C21orf58: variants seen among roughly 807,000 people sequenced by gnomAD.
C21orf58 encodes the protein uncharacterized protein C21orf58.
A neutral mutation model predicts 35.8 loss-of-function variants in C21orf58; 34 were observed. The ratio of observed to expected loss-of-function variants is 0.95; its 90% confidence interval spans 0.72 to 1.26. The LOEUF is 1.26. Among genes scored for constraint, C21orf58 ranks in the 50% most tolerant of loss-of-function variants. The probability of loss-of-function intolerance (pLI) is 0.00; values close to 1 mark genes in which losing one functional copy is unlikely to be tolerated. For missense variants in C21orf58, 440 were observed against 414.3 expected, an observed-to-expected ratio of 1.06 and a Z score of -0.54; for synonymous variants, 191 against 175.8, an observed-to-expected ratio of 1.09 and a Z score of -0.68.
At position 46,302,071 on chromosome 21, in the gene C21orf58, ATGGTGG is replaced by A. The variant is rs71318063; in HGVS notation, c.891_896del (p.His298_His299del). The A allele has an allele frequency of 1.7e-5, 26 of 1,506,606 alleles. No homozygotes were observed. The highest frequency in any genetic ancestry group is 4.2e-5 in the African/African-American group (3 of 72,008). 93.3% of individuals were successfully genotyped at this position (1,506,606 alleles called of 1,614,324 possible). ...TGGCAGCCCCAGGTGGCCACACAGCATGGTGGTGGTGGTGGTGGTGGTGCACGGCAG... is the reference window on the plus strand; with the variant it reads ...TGGCAGCCCCAGGTGGCCACACAGCATGGTGGTGGTGGTGGTGCACGGCAG... On this transcript the variant is annotated inframe_deletion, in exon 8 of 8. Coordinates refer to ENST00000291691, the MANE Select transcript of C21orf58 (RefSeq NM_058180.5).
At chr21:46,311,640 C>T (rs2082694828) in intron 5 of C21orf58, 73 bp from the exon 6 acceptor site, 1 of 820,812 alleles carries the variant, frequency 1.2e-6, no homozygotes, top group Admixed American at 2.5e-5. Context: ...ACCACCCATC[C>T]ATCCACCCAC....
chr21:46,313,904 C>T (rs760389890), intron 5 of C21orf58, among the ~76,000 whole-genome samples: 5 of 152,168 alleles, frequency 3.3e-5, no homozygotes, highest in African/African-American at 7.2e-5. Context: ...CCCAGTCACA[C>T]GAATCCCACC....
intron 6 of C21orf58, among the ~76,000 whole-genome samples, chr21:46,304,830 G>A (rs747249812): frequency 6.6e-6 from 1 of 152,220 alleles, no homozygotes; most frequent in African/African-American, 2.4e-5. Flanking sequence ...GTGTACATCA[G>A]TAGATAGATA....
chr21:46,314,577 C>T, intron 5 of C21orf58, 139 bp downstream of exon 5: 2 of 657,174 alleles, frequency 3.0e-6, no homozygotes, highest in Non-Finnish European at 5.0e-6. Context: ...GCAGCTGGCC[C>T]CCTTCAAGGG....
chr21:46,301,877 GT>G lies in C21orf58; in HGVS notation c.*121del. The G allele has an allele frequency of 1.5e-6, 2 of 1,325,530 alleles. No homozygotes were observed. Among genetic ancestry groups the G allele is most frequent in the Non-Finnish European group, 1.9e-6 (2 of 1,040,944 alleles). The allele number at this position is 1,325,530 out of a possible 1,614,324, so 82.1% of individuals were successfully genotyped here. A position where few individuals can be genotyped will look rare whatever the true frequency, so the allele number is the denominator to read the frequency against. On this transcript the variant is annotated 3_prime_UTR_variant, in exon 8 of 8. Transcript: ENST00000291691. ...GGAGGAGCCTGCAGTCCACACTCGCGTAGCCACTCCGGGTGGTGGCAGGGTC... is the reference window on the plus strand; with the variant it reads ...GGAGGAGCCTGCAGTCCACACTCGCGAGCCACTCCGGGTGGTGGCAGGGTC...
Position 46,302,147 on chromosome 21 carries a change from G to T in C21orf58, c.821C>A (p.Pro274Gln). The change falls in exon 8 of 8, where the codon CCA (proline) becomes CAA (glutamine). Residue 274 changes from proline to glutamine, a missense_variant. Transcript: ENST00000291691. ...KALPPALQDP[P>Q]HVPPRVPRAA... ...TCGTGGGACCCTCGGGGGCACATGT[G>T]GCGGGTCCTGCCACAGACGCACCTG... is the stretch of plus-strand genomic sequence containing the variant. 1 of 1,490,888 alleles carries T rather than the reference G, an allele frequency of 6.7e-7. No homozygotes were observed. The highest frequency in any genetic ancestry group is 8.9e-7 in the Non-Finnish European group (1 of 1,119,342). 92.4% of individuals were successfully genotyped at this position (1,490,888 alleles called of 1,614,324 possible). A position where few individuals can be genotyped will look rare whatever the true frequency, so the allele number is the denominator to read the frequency against.
intron 6 of C21orf58, among the ~76,000 whole-genome samples, chr21:46,310,864 CTAT>C (rs1036742262): frequency 1.3e-5 from 2 of 150,480 alleles, no homozygotes; most frequent in African/African-American, 2.4e-5. Flanking sequence ...TATTTAAAAG[CTAT>C]TATTATTATT....
At chr21:46,304,706 TG>T (rs912515764) in intron 6 of C21orf58, among the ~76,000 whole-genome samples, 6 of 152,182 alleles carry the variant, frequency 3.9e-5, no homozygotes, top group Non-Finnish European at 7.3e-5. Flanking sequence ...AGAGACTGTG[TG>T]GCTGTATTTC....
intron 5 of C21orf58, chr21:46,313,068 G>A: frequency 1.0e-6 from 1 of 985,412 alleles, no homozygotes. Context: ...CAGAGACCAA[G>A]AGTTGGCAAA....
At chr21:46,317,875 G>A in intron 2 of C21orf58, 137 bp downstream of exon 2, 1 of 880,934 alleles carries the variant, frequency 1.1e-6, no homozygotes, top group Non-Finnish European at 1.7e-6. Flanking sequence ...GTCTGAGGAT[G>A]GGTCCGCTGG....
At chr21:46,306,217 A>G (rs2082411266) in intron 6 of C21orf58, among the ~76,000 whole-genome samples, 2 of 152,214 alleles carry the variant, frequency 1.3e-5, no homozygotes. Context: ...GCATTTAAAA[A>G]TAAAGGTAGG....
chr21:46,322,604 C>G (rs1411238692), intron 1 of C21orf58, 35 bp downstream of exon 1: 1 of 1,472,184 alleles, frequency 6.8e-7, no homozygotes, highest in Non-Finnish European at 9.1e-7. Context: ...AATTCCGAGT[C>G]TGGGAACCAG....
chr21:46,322,626 A>T lies in C21orf58; in HGVS notation c.100+13T>A. On this transcript the variant is annotated intron_variant, in intron 1 of 7. Transcript: ENST00000291691. ...AGTCTGGGAACCAGGAGACCGCTGGACACCCCGCTCACCACACAGAAGACT... is the reference window on the plus strand; with the variant it reads ...AGTCTGGGAACCAGGAGACCGCTGGTCACCCCGCTCACCACACAGAAGACT... 2 of 1,520,530 alleles carry T rather than the reference A, an allele frequency of 1.3e-6. No individual in the cohort carries two copies. Among genetic ancestry groups the T allele is most frequent in the South Asian group, 2.5e-5 (2 of 78,460 alleles). The allele number at this position is 1,520,530 out of a possible 1,614,324, so 94.2% of individuals were successfully genotyped here.
chr21:46,318,872 G>T, intron 1 of C21orf58: 1 of 985,854 alleles, frequency 1.0e-6, no homozygotes, highest in Non-Finnish European at 1.2e-6. Context: ...TCTGCACTTG[G>T]TTGGGCATTA....
chr21:46,311,942 TCCACCCACCCATCCATCCACCCAC>T (rs2082732147), intron 5 of C21orf58, among the ~76,000 whole-genome samples: 1 of 102,298 alleles, frequency 9.8e-6, no homozygotes. Context: ...CAACCAACCA[TCCACCCACCCATCCATCCACCCAC>T]CCACCCACCC....
At chr21:46,304,468 G>C (rs946240079) in intron 6 of C21orf58, among the ~76,000 whole-genome samples, 1 of 151,582 alleles carries the variant, frequency 6.6e-6, no homozygotes, top group Non-Finnish European at 1.5e-5. Context: ...CCTGGGCAAT[G>C]GAGTGAGACC....
At chr21:46,322,588 C>G (rs759302404) in intron 1 of C21orf58, 51 bp downstream of exon 1, 6 of 1,427,056 alleles carry the variant, frequency 4.2e-6, no homozygotes, top group Non-Finnish European at 5.6e-6. Context: ...TTTGCTCAAA[C>G]CACCCAATTC....
At chr21:46,305,467 C>T (rs552532766) in intron 6 of C21orf58, among the ~76,000 whole-genome samples, 1 of 151,772 alleles carries the variant, frequency 6.6e-6, no homozygotes, top group South Asian at 2.1e-4. Flanking sequence ...GTAGCTGGGA[C>T]CACAGGCACA....
At chr21:46,310,840 T>G (rs1601671820) in intron 6 of C21orf58, among the ~76,000 whole-genome samples, 1 of 151,304 alleles carries the variant, frequency 6.6e-6, no homozygotes, top group Non-Finnish European at 1.5e-5. Context: ...AATAAATAAA[T>G]TTTAAAAATC....
Sources: gnomAD v4.1 joint callset for allele counts (sites outside exome capture counted in the v4.1 genomes callset) on GRCh38, gnomAD v4.1.1 for gene constraint, MANE v1.5 for transcripts, NCBI Gene and HGNC (gene_info 2026-07-23, HGNC 2026-07-21) for gene names.